SNTG2: variants seen among roughly 807,000 people sequenced by gnomAD.
The protein encoded by SNTG2 is gamma-2-syntrophin.
SNTG2 carries 74 observed loss-of-function variants against 70.9 expected under a neutral mutation model. That is an observed-to-expected ratio of 1.04 (90% CI 0.86 to 1.27). The LOEUF is 1.27. Among genes scored for constraint, SNTG2 ranks in the 50% most tolerant of loss-of-function variants. SNTG2 has a pLI of 0.00. For synonymous variants in SNTG2, 278 were observed against 273.8 expected (o/e 1.02, Z -0.15); for missense variants, 717 against 690.7 (o/e 1.04, Z -0.43).
At chr2:1,272,044 C>T (rs36129116) in intron 14 of SNTG2, among the ~76,000 whole-genome samples, 46,300 of 151,684 alleles carry the variant, frequency 0.31, 7,943 homozygotes, top group African/African-American at 0.47. Context: ...TGCCAGGGAC[C>T]GGTTTTGTGA....
intron 14 of SNTG2, among the ~76,000 whole-genome samples, chr2:1,280,158 T>C (rs569885368): frequency 6.6e-6 from 1 of 152,298 alleles, no homozygotes; most frequent in Admixed American, 6.5e-5. Context: ...AGAATAATAC[T>C]ACAAATGTAT....
chr2:1,326,842 C>T (rs1405236667), intron 16 of SNTG2, among the ~76,000 whole-genome samples: 1 of 151,968 alleles, frequency 6.6e-6, no homozygotes, highest in Non-Finnish European at 1.5e-5. Context: ...TTTTTCCATT[C>T]TCTTTCTTTT....
At chr2:1,110,374 A>G (rs1024915283) in intron 4 of SNTG2, among the ~76,000 whole-genome samples, 1 of 152,250 alleles carries the variant, frequency 6.6e-6, no homozygotes, top group Non-Finnish European at 1.5e-5. Flanking sequence ...TGCCATGCAC[A>G]TGCCTTCATT....
At position 1,352,216 on chromosome 2, in the gene SNTG2, A is replaced by T. The variant is rs1203559949; in HGVS notation, c.1489-15127A>T. Among the ~76,000 whole-genome samples the T allele has an allele frequency of 2.0e-5, 3 of 152,200 alleles. No individual in the cohort carries two copies. In the South Asian group the frequency reaches 6.2e-4, roughly 31 times the overall value. Reference sequence around the variant, plus strand: ...GGTGCAATGAAAATGACGAGTTGCAACCAAAGCCATCTTCTGCTCAATCCT... The same window carrying T: ...GGTGCAATGAAAATGACGAGTTGCATCCAAAGCCATCTTCTGCTCAATCCT... On this transcript the variant is annotated intron_variant, in intron 16 of 16. Transcript: ENST00000308624.
chr2:956,404 C>T (rs554193191), intron 1 of SNTG2, among the ~76,000 whole-genome samples: 62 of 152,380 alleles, frequency 4.1e-4, no homozygotes, highest in African/African-American at 1.4e-3. Context: ...CCACTCACCC[C>T]GTGGCTGCAT....
intron 4 of SNTG2, among the ~76,000 whole-genome samples, chr2:1,111,738 G>A (rs1201358354): frequency 6.6e-6 from 1 of 152,190 alleles, no homozygotes; most frequent in Admixed American, 6.5e-5. Context: ...GACTCCCTGA[G>A]AAGAATCGTG....
intron 1 of SNTG2, among the ~76,000 whole-genome samples, chr2:1,068,813 G>A (rs1663327924): frequency 1.3e-5 from 2 of 152,170 alleles, no homozygotes; most frequent in Admixed American, 6.5e-5. Context: ...TAATCAGCTT[G>A]TGACGTACTA....
rs1466012160 is a variant in SNTG2 at position 998,552 on chromosome 2, G to A, written c.72+47484G>A. 2.0e-5 allele frequency among the ~76,000 whole-genome samples: 3 copies of A among 151,478 alleles called. No homozygotes were observed. The South Asian group carries it at 6.2e-4, about 32-fold the overall frequency. ...TAACAATAGACTAGACCAAGCAGAAGAAAGAATCTCAAGAGTTTGAAGATC... is the reference window on the plus strand; with the variant it reads ...TAACAATAGACTAGACCAAGCAGAAAAAAGAATCTCAAGAGTTTGAAGATC... On this transcript the variant is annotated intron_variant, in intron 1 of 16. Transcript: ENST00000308624.
At chr2:1,279,807 G>C (rs528569906) in intron 14 of SNTG2, among the ~76,000 whole-genome samples, 1 of 152,182 alleles carries the variant, frequency 6.6e-6, no homozygotes, top group Non-Finnish European at 1.5e-5. Context: ...ATCCAGCTGC[G>C]AAGCAAAGTC....
At chr2:1,152,135 C>T (rs148540168) in intron 6 of SNTG2, among the ~76,000 whole-genome samples, 1 of 152,218 alleles carries the variant, frequency 6.6e-6, no homozygotes, top group East Asian at 1.9e-4. Flanking sequence ...TGTGCTGACT[C>T]CTAATTAGAT....
chr2:1,258,218 C>T (rs1678230564), intron 12 of SNTG2, among the ~76,000 whole-genome samples: 1 of 152,158 alleles, frequency 6.6e-6, no homozygotes, highest in Non-Finnish European at 1.5e-5. Flanking sequence ...ATCAGCATGG[C>T]TCCCCAGCTC....
chr2:1,014,987 G>C (rs1462217344), intron 1 of SNTG2, among the ~76,000 whole-genome samples: 1 of 151,964 alleles, frequency 6.6e-6, no homozygotes, highest in African/African-American at 2.4e-5. Context: ...GGCCCCGGGA[G>C]GGGGCTGGGC....
intron 1 of SNTG2, among the ~76,000 whole-genome samples, chr2:973,200 C>T (rs543222727): frequency 6.6e-6 from 1 of 152,298 alleles, no homozygotes; most frequent in South Asian, 2.1e-4. Context: ...CACAGTTCTT[C>T]CTGGAGAACA....
intron 9 of SNTG2, among the ~76,000 whole-genome samples, chr2:1,216,522 G>A (rs538035285): frequency 6.6e-6 from 1 of 152,206 alleles, no homozygotes; most frequent in Non-Finnish European, 1.5e-5. Flanking sequence ...TCACTCTGAT[G>A]GTAGTTTCTT....
chr2:1,190,040 C>G (rs1208055852), intron 8 of SNTG2, among the ~76,000 whole-genome samples: 1 of 151,868 alleles, frequency 6.6e-6, no homozygotes, highest in Admixed American at 6.6e-5. Context: ...GACTGTTCAT[C>G]TTAAAAAGTG....
intron 1 of SNTG2, among the ~76,000 whole-genome samples, chr2:1,044,658 T>C (rs1478881175): frequency 6.6e-6 from 1 of 152,218 alleles, no homozygotes; most frequent in Admixed American, 6.5e-5. Context: ...ATATGTTTTT[T>C]TGTTTTCAGT....
At chr2:1,177,079 C>G (rs1471090776) in intron 8 of SNTG2, among the ~76,000 whole-genome samples, 2 of 152,090 alleles carry the variant, frequency 1.3e-5, no homozygotes, top group Non-Finnish European at 2.9e-5. Context: ...TAGATCAACC[C>G]AAATGCCCAT....
rs535122491 is a variant in SNTG2 at position 1,362,776 on chromosome 2, C to T, written c.1489-4567C>T. On this transcript the variant is annotated intron_variant, in intron 16 of 16. Transcript: ENST00000308624. Reference sequence around the variant, plus strand: ...ATAGAACTTCCACGAAGGTCACCGACGCTGAGCATTTCAATAGAACTTCCG... The same window carrying T: ...ATAGAACTTCCACGAAGGTCACCGATGCTGAGCATTTCAATAGAACTTCCG... 1.3e-4 allele frequency among the ~76,000 whole-genome samples: 19 copies of T among 149,714 alleles called. 1 individual carries two copies. The South Asian group carries it at 1.3e-3, about 10-fold the overall frequency.
intron 1 of SNTG2, among the ~76,000 whole-genome samples, chr2:974,484 C>A (rs1008806028): frequency 1.3e-5 from 2 of 152,190 alleles, no homozygotes; most frequent in Admixed American, 6.5e-5. Context: ...GGCATCAGTG[C>A]ATAAGTGACC....
Sources: allele counts gnomAD v4.1 joint callset (sites outside exome capture counted in the v4.1 genomes callset), GRCh38; gene constraint gnomAD v4.1.1; transcripts MANE v1.5; gene names NCBI Gene and HGNC (gene_info 2026-07-23, HGNC 2026-07-21).